Variants in NTM observed in about 807,000 individuals in gnomAD.
NTM encodes the protein IgLON family member 2.
NTM carries 13 observed loss-of-function variants against 42.1 expected under a neutral mutation model. That is an observed-to-expected ratio of 0.31 (90% CI 0.20 to 0.49). The LOEUF is 0.49. Ranked by LOEUF, NTM falls within the 20% of genes least tolerant of loss-of-function variation. The pLI, the probability that NTM is intolerant of heterozygous loss-of-function variation, is 0.99. For synonymous variants in NTM, 187 were observed against 179.2 expected (o/e 1.04, Z -0.35); for missense variants, 373 against 452.8 (o/e 0.82, Z 1.60).
chr11:132,044,148 G>A (rs1342658352), intron 2 of NTM, among the ~76,000 whole-genome samples: 176 of 120,518 alleles, frequency 1.5e-3, no homozygotes, highest in African/African-American at 3.1e-3. Flanking sequence ...GTGTATGTGC[G>A]TGTGTGTGTG....
intron 7 of NTM, among the ~76,000 whole-genome samples, chr11:132,327,279 G>T (rs1451601856): frequency 6.6e-6 from 1 of 152,210 alleles, no homozygotes; most frequent in Non-Finnish European, 1.5e-5. Flanking sequence ...TGGGCATTAA[G>T]TCAGATTTGA....
At chr11:131,426,577 A>G (rs1461105846) in intron 1 of NTM, among the ~76,000 whole-genome samples, 1 of 152,180 alleles carries the variant, frequency 6.6e-6, no homozygotes, top group East Asian at 1.9e-4. Flanking sequence ...ACAAGCAAAC[A>G]AAAGAGCTGA....
chr11:132,184,972 T>C (rs1164364676), intron 3 of NTM, among the ~76,000 whole-genome samples: 2 of 152,166 alleles, frequency 1.3e-5, no homozygotes, highest in Non-Finnish European at 2.9e-5. Flanking sequence ...ATTAATACTG[T>C]ACTCTGCCAC....
At chr11:132,219,755 G>A (rs980814356) in intron 4 of NTM, among the ~76,000 whole-genome samples, 2 of 152,004 alleles carry the variant, frequency 1.3e-5, no homozygotes, top group African/African-American at 4.8e-5. Context: ...AAAGCTCCTG[G>A]CCCCATAACA....
chr11:131,916,018 G>A (rs1426014732), intron 2 of NTM, among the ~76,000 whole-genome samples: 2 of 152,200 alleles, frequency 1.3e-5, no homozygotes, highest in East Asian at 1.9e-4. Flanking sequence ...GCTTTTGGGG[G>A]CTTGGGTCCA....
chr11:131,430,127 C>T (rs930164911), intron 1 of NTM, among the ~76,000 whole-genome samples: 1 of 152,200 alleles, frequency 6.6e-6, no homozygotes, highest in African/African-American at 2.4e-5. Flanking sequence ...ACCATGTTCA[C>T]TCACAGAGAC....
chr11:132,169,425 T>C (rs958951149), intron 3 of NTM, among the ~76,000 whole-genome samples: 1 of 136,492 alleles, frequency 7.3e-6, no homozygotes, highest in African/African-American at 2.7e-5. Context: ...AACTTCTGCC[T>C]CCTGGGTTCA....
At chr11:131,940,932 G>A (rs1335599161) in intron 2 of NTM, among the ~76,000 whole-genome samples, 1 of 152,152 alleles carries the variant, frequency 6.6e-6, no homozygotes, top group African/African-American at 2.4e-5. Context: ...TCTTAATACG[G>A]GTGCAAATGA....
intron 1 of NTM, among the ~76,000 whole-genome samples, chr11:131,430,691 C>A (rs1948576513): frequency 6.6e-6 from 1 of 152,238 alleles, no homozygotes; most frequent in Non-Finnish European, 1.5e-5. Flanking sequence ...TGAGCCCTGG[C>A]ACTTGTGCTG....
intron 1 of NTM, among the ~76,000 whole-genome samples, chr11:131,738,030 C>G (rs1368724732): frequency 1.3e-5 from 2 of 152,290 alleles, no homozygotes; most frequent in African/African-American, 4.8e-5. Context: ...CAAACTGACG[C>G]CTTAGTTTTC....
chr11:131,826,015 A>AATG (rs1216072583), intron 1 of NTM, among the ~76,000 whole-genome samples: 2 of 152,206 alleles, frequency 1.3e-5, no homozygotes, highest in African/African-American at 4.8e-5. Flanking sequence ...ACAAGAATAA[A>AATG]ATGTCTTGGG....
chr11:132,321,545 C>T (rs2095568730), intron 7 of NTM, among the ~76,000 whole-genome samples: 1 of 152,190 alleles, frequency 6.6e-6, no homozygotes. Context: ...ACCAAATCTA[C>T]CTCTGATTGG....
At chr11:132,040,806 T>C (rs61903519) in intron 2 of NTM, among the ~76,000 whole-genome samples, 1 of 152,272 alleles carries the variant, frequency 6.6e-6, no homozygotes, top group South Asian at 2.1e-4. Flanking sequence ...GTCTTGAGGA[T>C]TTTTATCTGT....
chr11:131,592,851 G>A (rs944750550), intron 1 of NTM, among the ~76,000 whole-genome samples: 3 of 152,122 alleles, frequency 2.0e-5, no homozygotes, highest in Non-Finnish European at 2.9e-5. Context: ...ACAATGCTGG[G>A]CTCAGAGCAG....
chr11:131,555,374 G>T (rs1198226197), intron 1 of NTM, among the ~76,000 whole-genome samples: 2 of 152,164 alleles, frequency 1.3e-5, no homozygotes, highest in African/African-American at 2.4e-5. Context: ...GGTTGTCATT[G>T]GGTCCTTGTG....
intron 1 of NTM, among the ~76,000 whole-genome samples, chr11:131,710,424 G>T (rs1186627454): frequency 2.0e-5 from 3 of 152,114 alleles, no homozygotes; most frequent in African/African-American, 7.2e-5. Flanking sequence ...TGGCTGAAGA[G>T]AGTAGGGGCA....
At chr11:131,699,025 C>T (rs1227575844) in intron 1 of NTM, among the ~76,000 whole-genome samples, 2 of 152,140 alleles carry the variant, frequency 1.3e-5, no homozygotes, top group Non-Finnish European at 2.9e-5. Context: ...ATTATGGTGG[C>T]GACTATGCAG....
chr11:132,303,301 C>T (rs915003955), intron 4 of NTM, among the ~76,000 whole-genome samples: 5 of 152,220 alleles, frequency 3.3e-5, no homozygotes, highest in African/African-American at 1.2e-4. Context: ...CATGCTCTCT[C>T]TGACAGTGAC....
At chr11:131,538,032 A>G (rs781449368) in intron 1 of NTM, 3 of 152,276 alleles carry the variant, frequency 2.0e-5, no homozygotes, top group Non-Finnish European at 4.4e-5. Context: ...GCCTCTGTGT[A>G]CTTTGTCAGC....
Sources: gnomAD v4.1 joint callset for allele counts (sites outside exome capture counted in the v4.1 genomes callset) on GRCh38, gnomAD v4.1.1 for gene constraint, MANE v1.5 for transcripts, NCBI Gene and HGNC (gene_info 2026-07-23, HGNC 2026-07-21) for gene names.